The following LRRC4C variants were observed in gnomAD, a reference collection of about 807,000 sequenced individuals.
The protein encoded by LRRC4C is leucine-rich repeat-containing protein 4C.
LRRC4C carries 5 observed loss-of-function variants against 33.6 expected under a neutral mutation model. The ratio of observed to expected loss-of-function variants is 0.15; its 90% CI spans 0.08 to 0.31. The LOEUF is 0.31. Ranked by LOEUF, LRRC4C falls within the 10% of genes least tolerant of loss-of-function variation. LRRC4C has a pLI of 1.00. For missense variants in LRRC4C, 560 were observed against 796.7 expected (o/e 0.70, Z 3.58); for synonymous variants, 329 against 302.0 (o/e 1.09, Z -0.93).
rs117386509 is a variant in LRRC4C, at chr11:40,580,029, A to G, written c.-270+68113T>C. Among the ~76,000 whole-genome samples, 408 of 151,158 alleles carry G rather than the reference A, an allele frequency of 2.7e-3. 2 individuals are homozygous for G. The highest frequency in any genetic ancestry group is 3.8e-3 in the Non-Finnish European group (261 of 67,794). On this transcript the variant is annotated intron_variant, in intron 3 of 6. Coordinates refer to ENST00000528697, the MANE Select transcript of LRRC4C (RefSeq NM_001258419.2). Reference sequence around the variant, plus strand: ...TCTGAGACTAAGGGAAAATAATGTAATAGCTGTTTTGTTCAAGGGTACTTT... The same window carrying G: ...TCTGAGACTAAGGGAAAATAATGTAGTAGCTGTTTTGTTCAAGGGTACTTT...
chr11:41,209,376 C>T (rs1166960680), intron 1 of LRRC4C, among the ~76,000 whole-genome samples: 1 of 151,652 alleles, frequency 6.6e-6, no homozygotes, highest in Non-Finnish European at 1.5e-5. Context: ...CTAAATTATT[C>T]CAGTCTCACC....
intron 2 of LRRC4C, among the ~76,000 whole-genome samples, chr11:40,782,689 T>A (rs1415720679): frequency 6.6e-6 from 1 of 152,170 alleles, no homozygotes; most frequent in African/African-American, 2.4e-5. Flanking sequence ...ATGACAAAGA[T>A]TATTAATAGA....
intron 2 of LRRC4C, among the ~76,000 whole-genome samples, chr11:40,804,644 C>A (rs1348755554): frequency 2.6e-5 from 4 of 152,156 alleles, no homozygotes. Context: ...TTGAACTAGT[C>A]TAATTTGCAG....
In LRRC4C at chr11:40,367,423, G is replaced by A. The variant is rs76040379; in HGVS notation, c.-269-47702C>T. On this transcript the variant is annotated intron_variant, in intron 3 of 6. Coordinates refer to ENST00000528697, the MANE Select transcript of LRRC4C (RefSeq NM_001258419.2). ...AAGAAAAAGGTCCCACCACTGAATT[G>A]CATAATGTACAACATTTTGATGCTG... 4.3e-3 allele frequency among the ~76,000 whole-genome samples: 661 copies of A among 152,134 alleles called. 3 individuals are homozygous for A. Among genetic ancestry groups the A allele is most frequent in the Middle Eastern group, 0.014 (4 of 294 alleles).
intron 2 of LRRC4C, among the ~76,000 whole-genome samples, chr11:40,846,955 T>C (rs1272355420): frequency 1.3e-5 from 2 of 152,154 alleles, no homozygotes; most frequent in Admixed American, 1.3e-4. Context: ...TTTGGCTCTC[T>C]ATTATTGGTG....
At chr11:41,001,863 AT>A (rs5791412) in intron 1 of LRRC4C, among the ~76,000 whole-genome samples, 20,787 of 145,718 alleles carry the variant, frequency 0.14, 1,983 homozygotes, top group African/African-American at 0.29. Flanking sequence ...GGTCTGTGAC[AT>A]TTTTTTTTTT....
chr11:40,721,314 T>C (rs1292975704), intron 2 of LRRC4C, among the ~76,000 whole-genome samples: 1 of 152,192 alleles, frequency 6.6e-6, no homozygotes, highest in African/African-American at 2.4e-5. Flanking sequence ...CTCTGCCCTA[T>C]AAGGATATGA....
intron 1 of LRRC4C, among the ~76,000 whole-genome samples, chr11:41,308,063 A>C (rs1328830858): frequency 1.3e-5 from 2 of 152,208 alleles, no homozygotes; most frequent in African/African-American, 4.8e-5. Context: ...GCAAATAGGC[A>C]GGAAGGAACT....
At chr11:40,401,838 G>A (rs955282377) in intron 3 of LRRC4C, among the ~76,000 whole-genome samples, 4 of 151,990 alleles carry the variant, frequency 2.6e-5, no homozygotes, top group African/African-American at 7.2e-5. Flanking sequence ...AAACCATTTT[G>A]CTTTTCTATG....
At chr11:40,885,981 G>A (rs1299726148) in intron 2 of LRRC4C, among the ~76,000 whole-genome samples, 1 of 152,070 alleles carries the variant, frequency 6.6e-6, no homozygotes, top group African/African-American at 2.4e-5. Flanking sequence ...CCCCATTACT[G>A]AAGAATTAAT....
rs564571156 is a variant in LRRC4C, at chr11:40,986,496, A to G, written c.-495-52773T>C. Among the ~76,000 whole-genome samples the G allele has an allele frequency of 1.2e-4, 18 of 152,206 alleles. No homozygotes were observed. In the South Asian group the frequency reaches 3.5e-3, roughly 30 times the overall value. ...CATCTGCAGTCTCAGCTACTTGAGA[A>G]GCTGAGGATCACTTGAGTCATGGAG... On this transcript the variant is annotated intron_variant, in intron 1 of 6. Coordinates refer to ENST00000528697, the MANE Select transcript of LRRC4C (RefSeq NM_001258419.2).
chr11:40,814,651 AC>A (rs1480860451), intron 2 of LRRC4C, among the ~76,000 whole-genome samples: 1 of 148,766 alleles, frequency 6.7e-6, no homozygotes, highest in Admixed American at 6.8e-5. Context: ...AATTTTTCAG[AC>A]TTTTATGCTC....
At chr11:40,121,713 A>T (rs1855840557) in intron 6 of LRRC4C, among the ~76,000 whole-genome samples, 1 of 152,208 alleles carries the variant, frequency 6.6e-6, no homozygotes. Context: ...CACAGAAGCA[A>T]GTATATGTGA....
chr11:41,177,301 C>A (rs188582777), intron 1 of LRRC4C, among the ~76,000 whole-genome samples: 3 of 152,188 alleles, frequency 2.0e-5, no homozygotes, highest in Non-Finnish European at 4.4e-5. Context: ...TATAGGGAAG[C>A]GTTTTTGTTG....
At chr11:41,262,232 G>A (rs1014323117) in intron 1 of LRRC4C, among the ~76,000 whole-genome samples, 4 of 152,006 alleles carry the variant, frequency 2.6e-5, no homozygotes, top group Non-Finnish European at 5.9e-5. Context: ...CAGTGACACA[G>A]ATATGCCCAT....
chr11:40,559,392 C>A (rs530974552), intron 3 of LRRC4C, among the ~76,000 whole-genome samples: 1 of 151,982 alleles, frequency 6.6e-6, no homozygotes, highest in African/African-American at 2.4e-5. Context: ...GCCATGTTGC[C>A]CAGGCTGCTG....
intron 1 of LRRC4C, among the ~76,000 whole-genome samples, chr11:41,172,261 TG>T (rs1210243444): frequency 6.6e-6 from 1 of 152,178 alleles, no homozygotes; most frequent in African/African-American, 2.4e-5. Context: ...TCAATATTCA[TG>T]ACAGGAAATA....
intron 1 of LRRC4C, among the ~76,000 whole-genome samples, chr11:41,165,238 C>A (rs1341661730): frequency 6.6e-6 from 1 of 152,066 alleles, no homozygotes; most frequent in Non-Finnish European, 1.5e-5. Flanking sequence ...GACTTTGTTG[C>A]CCCCAGGACC....
At chr11:40,885,937 TG>T (rs750040025) in intron 2 of LRRC4C, among the ~76,000 whole-genome samples, 12 of 152,158 alleles carry the variant, frequency 7.9e-5, no homozygotes, top group Non-Finnish European at 1.6e-4. Flanking sequence ...GCAGAATGCA[TG>T]GGGCTAGGAG....
Sources: gnomAD v4.1 joint callset for allele counts (sites outside exome capture counted in the v4.1 genomes callset) on GRCh38, gnomAD v4.1.1 for gene constraint, MANE v1.5 for transcripts, NCBI Gene and HGNC (gene_info 2026-07-23, HGNC 2026-07-21) for gene names.